The following PLEKHM3 variants were observed in gnomAD, a reference collection of about 807,000 sequenced individuals.
The protein encoded by PLEKHM3 is pleckstrin homology domain containing M3.
A neutral mutation model predicts 81.8 loss-of-function variants in PLEKHM3; 45 were observed. The observed-to-expected ratio is 0.55, with a 90% confidence interval of 0.43 to 0.71. PLEKHM3 has a LOEUF of 0.71. Ranked by LOEUF, PLEKHM3 falls within the 30% of genes least tolerant of loss-of-function variation. The pLI, the probability that PLEKHM3 is intolerant of heterozygous loss-of-function variation, is 0.00. For missense variants in PLEKHM3, 788 were observed against 924.3 expected, an observed-to-expected ratio of 0.85 and a Z score of 1.91; for synonymous variants, 352 against 356.4, an observed-to-expected ratio of 0.99 and a Z score of 0.14.
At chr2:207,906,784 C>CAAAT (rs138131382) in intron 6 of PLEKHM3, among the ~76,000 whole-genome samples, 6,417 of 151,632 alleles carry the variant, frequency 0.042, 421 homozygotes, top group African/African-American at 0.14. Context: ...GCGAGACTGT[C>CAAAT]AAATAAATAA....
At position 207,836,096 on chromosome 2, in the gene PLEKHM3, C is replaced by T. The variant is rs368048889; in HGVS notation, c.2109-7600G>A. ...TCCTAATTATCTGTGTGTGCCCTGA[C>T]GAACTGGTCCCCTTCTTTGGGATAG... On this transcript the variant is annotated intron_variant, in intron 7 of 7. Transcript: ENST00000427836. Among the ~76,000 whole-genome samples the T allele has an allele frequency of 8.1e-4, 123 of 152,306 alleles. 1 individual carries two copies. In the Middle Eastern group the frequency reaches 0.01, roughly 13 times the overall value.
chr2:207,885,697 A>G lies in PLEKHM3; in HGVS notation c.1950+22817T>C, dbSNP rs573743811. 2.7e-4 allele frequency among the ~76,000 whole-genome samples: 41 copies of G among 152,340 alleles called. 2 individuals are homozygous for G. The South Asian group carries it at 8.1e-3, about 30-fold the overall frequency. On this transcript the variant is annotated intron_variant, in intron 6 of 7. Coordinates refer to ENST00000427836, the MANE Select transcript of PLEKHM3 (RefSeq NM_001080475.3). ...GTATATGAAATAGACACATCTTAGT[A>G]AGTACTGTGTAAGTATTCCAGTTGA...
chr2:208,000,647 C>T (rs1028788161), intron 2 of PLEKHM3, among the ~76,000 whole-genome samples: 2 of 152,152 alleles, frequency 1.3e-5, no homozygotes, highest in African/African-American at 4.8e-5. Context: ...AGGCTCAGCC[C>T]AACGTACGAT....
intron 6 of PLEKHM3, among the ~76,000 whole-genome samples, chr2:207,886,857 A>G (rs145514171): frequency 4.6e-5 from 7 of 152,338 alleles, no homozygotes; most frequent in Non-Finnish European, 1.0e-4. Context: ...TCCTCATATA[A>G]TAATTAAGAG....
intron 5 of PLEKHM3, 121 bp from the exon 6 acceptor site, chr2:207,908,698 T>C: frequency 1.3e-6 from 1 of 797,326 alleles, no homozygotes; most frequent in Non-Finnish European, 2.0e-6. Flanking sequence ...CCACCTATAC[T>C]TCTCCTAAGC....
chr2:208,002,552 A>G (rs1692346249), intron 1 of PLEKHM3, among the ~76,000 whole-genome samples: 1 of 152,084 alleles, frequency 6.6e-6, no homozygotes, highest in Non-Finnish European at 1.5e-5. Context: ...ACTCCCCAAG[A>G]CTTCCAGGAT....
At chr2:207,878,932 T>C (rs2092572751) in intron 6 of PLEKHM3, among the ~76,000 whole-genome samples, 1 of 152,150 alleles carries the variant, frequency 6.6e-6, no homozygotes, top group South Asian at 2.1e-4. Flanking sequence ...TATAAAGTCT[T>C]CCCTAAGCTA....
chr2:207,992,800 C>T (rs1445074463), intron 2 of PLEKHM3, among the ~76,000 whole-genome samples: 1 of 151,970 alleles, frequency 6.6e-6, no homozygotes, highest in African/African-American at 2.4e-5. Context: ...TGAATTGGCC[C>T]TTGAAAAATA....
chr2:207,880,118 C>T (rs2092578954), intron 6 of PLEKHM3, among the ~76,000 whole-genome samples: 1 of 152,100 alleles, frequency 6.6e-6, no homozygotes, highest in African/African-American at 2.4e-5. Flanking sequence ...TATAATCAAA[C>T]AATTCAGGCC....
chr2:207,907,965 T>C lies in PLEKHM3; in HGVS notation c.1950+549A>G, dbSNP rs111943348. ...TATGTATTCTTTTCTGTTTGGCTTC[T>C]TTTACTTAGCATAGTGTTTTCAAGA... On this transcript the variant is annotated intron_variant, in intron 6 of 7. Coordinates refer to ENST00000427836, the MANE Select transcript of PLEKHM3 (RefSeq NM_001080475.3). 1.0e-3 allele frequency among the ~76,000 whole-genome samples: 156 copies of C among 152,364 alleles called. 2 individuals are homozygous for C. In the Middle Eastern group the frequency reaches 0.017, roughly 17 times the overall value.
rs531739535 is a variant in PLEKHM3 at position 207,962,740 on chromosome 2, T to C, written c.1546+13911A>G. On this transcript the variant is annotated intron_variant, in intron 3 of 7. Transcript: ENST00000427836. ...AGTATCTAATTGGAGTTGAAACAGATTATGTGCAAATAAACCGTGCAAATA... is the reference window on the plus strand; with the variant it reads ...AGTATCTAATTGGAGTTGAAACAGACTATGTGCAAATAAACCGTGCAAATA... 1.8e-3 allele frequency among the ~76,000 whole-genome samples: 277 copies of C among 152,162 alleles called. 1 individual carries two copies. Among genetic ancestry groups the C allele is most frequent in the African/African-American group, 6.3e-3 (263 of 41,506 alleles).
intron 3 of PLEKHM3, among the ~76,000 whole-genome samples, chr2:207,973,422 T>C (rs1164947129): frequency 1.3e-5 from 2 of 152,170 alleles, no homozygotes; most frequent in African/African-American, 2.4e-5. Context: ...GATCAGGAAA[T>C]AAAGTATTCT....
chr2:207,903,465 G>T (rs1016958516), intron 6 of PLEKHM3, among the ~76,000 whole-genome samples: 4 of 152,112 alleles, frequency 2.6e-5, no homozygotes, highest in Non-Finnish European at 4.4e-5. Context: ...ATCATTCAAT[G>T]CTTAACTTAC....
intron 4 of PLEKHM3, among the ~76,000 whole-genome samples, chr2:207,933,490 A>C (rs962946282): frequency 6.6e-6 from 1 of 152,210 alleles, no homozygotes; most frequent in African/African-American, 2.4e-5. Flanking sequence ...TGTATTGTAC[A>C]ATTCAATTAG....
Position 207,843,221 on chromosome 2 carries a change from C to G in PLEKHM3, c.2109-14725G>C, listed in dbSNP as rs538037847. On this transcript the variant is annotated intron_variant, in intron 7 of 7. Coordinates refer to ENST00000427836, the MANE Select transcript of PLEKHM3 (RefSeq NM_001080475.3). The surrounding 1 kb of genome is among the most constrained non-coding windows in gnomAD (Gnocchi z 4.4). ...TGTCTCAGCCTCCCAAAGTGTTGGC[C>G]TCCTTTGGCCTCCCAAAGTGTTGAG... 2.6e-4 allele frequency among the ~76,000 whole-genome samples: 40 copies of G among 152,228 alleles called. 1 individual carries two copies. Among genetic ancestry groups the G allele is most frequent in the African/African-American group, 9.1e-4 (38 of 41,552 alleles).
chr2:207,880,420 A>AC (rs908483337), intron 6 of PLEKHM3, among the ~76,000 whole-genome samples: 1 of 149,206 alleles, frequency 6.7e-6, no homozygotes, highest in South Asian at 2.1e-4. Flanking sequence ...GAAAAAAAAA[A>AC]AAACGCAAAT....
intron 5 of PLEKHM3, among the ~76,000 whole-genome samples, chr2:207,913,731 T>C (rs1574400232): frequency 1.3e-5 from 2 of 152,074 alleles, no homozygotes; most frequent in Admixed American, 1.3e-4. Flanking sequence ...GGATTTTTTT[T>C]TTTCTAAAAA....
chr2:207,925,013 G>A (rs967153581), intron 5 of PLEKHM3, among the ~76,000 whole-genome samples: 6 of 152,268 alleles, frequency 3.9e-5, no homozygotes, highest in Non-Finnish European at 7.4e-5. Flanking sequence ...GGTGTCAGAG[G>A]AGAGTGCAAT....
intron 2 of PLEKHM3, among the ~76,000 whole-genome samples, chr2:207,995,330 A>T (rs539931788): frequency 6.6e-6 from 1 of 152,342 alleles, no homozygotes; most frequent in African/African-American, 2.4e-5. Context: ...TCTGTGTTAA[A>T]TAATTTCAAC....
Sources: gnomAD v4.1 joint callset for allele counts (sites outside exome capture counted in the v4.1 genomes callset) on GRCh38, gnomAD v4.1.1 for gene constraint, Gnocchi (gnomAD v3.1) non-coding constraint, MANE v1.5 for transcripts, NCBI Gene and HGNC (gene_info 2026-07-23, HGNC 2026-07-21) for gene names.